The following WDR91 variants were observed in gnomAD, a reference collection of about 807,000 sequenced individuals.
The protein encoded by WDR91 is WD repeat-containing protein 91.
WDR91 carries 52 observed loss-of-function variants against 88.4 expected under a neutral mutation model. The ratio of observed to expected loss-of-function variants is 0.59; its 90% CI spans 0.47 to 0.74. The LOEUF (loss-of-function observed/expected upper bound fraction) is 0.74. WDR91 is among the 30% of genes least tolerant of loss of function. The pLI, the probability that WDR91 is intolerant of heterozygous loss-of-function variation, is 0.00. For missense variants in WDR91, 824 were observed against 954.5 expected, an observed-to-expected ratio of 0.86 and a Z score of 1.80; for synonymous variants, 362 against 389.5, an observed-to-expected ratio of 0.93 and a Z score of 0.83.
In WDR91 at chr7:135,195,022, G is replaced by A. The variant is rs919316204; in HGVS notation, c.1307C>T (p.Ser436Phe). The A allele has an allele frequency of 6.2e-7, 1 of 1,614,084 alleles. No individual in the cohort carries two copies. The highest frequency in any genetic ancestry group is 1.7e-5 in the Admixed American group (1 of 60,022). ...TTTGGTCTGCATGATGGGGTTGAAG[G>A]ACCACACTTTGATGACCCCATCTAC... Reference protein sequence around the residue: ...LDVDGVIKVWSFNPIMQTKAS... With the variant: ...LDVDGVIKVWFFNPIMQTKAS... Residue 436 changes from serine (S) to phenylalanine (F), a missense_variant, in exon 9 of 15, where the codon TCC (serine) becomes TTC (phenylalanine). Coordinates refer to ENST00000354475, the MANE Select transcript of WDR91 (RefSeq NM_014149.4).
At position 135,185,478 on chromosome 7, in the gene WDR91, A is replaced by G. The variant is rs550017277; in HGVS notation, c.*673T>C. Reference sequence around the variant, plus strand: ...TTGGGAAACAGCAGCCACTGGATGGAAAGGGGCAGCCAGTAGCAGAGGCCT... The same window carrying G: ...TTGGGAAACAGCAGCCACTGGATGGGAAGGGGCAGCCAGTAGCAGAGGCCT... On this transcript the variant is annotated 3_prime_UTR_variant, in exon 15 of 15. Transcript: ENST00000354475. 6.6e-6 allele frequency: 1 copy of G among 152,358 alleles called. No individual in the cohort carries two copies. Among genetic ancestry groups the G allele is most frequent in the South Asian group, 2.1e-4 (1 of 4,832 alleles). 9.4% of individuals were successfully genotyped at this position (152,358 alleles called of 1,614,324 possible).
intron 6 of WDR91, chr7:135,202,402 G>A (rs1003990735): frequency 1.3e-5 from 2 of 152,130 alleles, no homozygotes; most frequent in African/African-American, 2.4e-5. Context: ...GATATCTTTC[G>A]TCTTCACTGA....
In WDR91 at chr7:135,193,230, C is replaced by A. The variant is rs757451134; in HGVS notation, c.1659+1G>T. 6.2e-7 allele frequency: 1 copy of A among 1,613,446 alleles called. No individual in the cohort carries two copies. Among genetic ancestry groups the A allele is most frequent in the African/African-American group, 1.3e-5 (1 of 74,898 alleles). The stretch of plus-strand genomic sequence containing the variant: ...GAGAGAGCCACAGGGCAGGCCCGTA[C>A]CTGCTGCTTCATGGTTTTCGTGTCC... On this transcript the variant is annotated splice_donor_variant, in intron 11 of 14. Transcript: ENST00000354475. LOFTEE classifies it high-confidence loss of function.
At chr7:135,199,814 C>T (rs1002599615) in intron 6 of WDR91, 5 of 107,588 alleles carry the variant, frequency 4.6e-5, no homozygotes, top group Non-Finnish European at 6.3e-5. Flanking sequence ...TTTTCAGCAA[C>T]AGTAAAGAGT....
chr7:135,200,135 G>A (rs1001605880), intron 6 of WDR91: 7 of 152,204 alleles, frequency 4.6e-5, no homozygotes, highest in African/African-American at 1.4e-4. Flanking sequence ...AATAACAAAA[G>A]ATAATAATAT....
intron 2 of WDR91, 98 bp from the exon 3 acceptor site, chr7:135,209,096 C>A (rs1005127761): frequency 6.0e-6 from 6 of 1,007,950 alleles, no homozygotes; most frequent in Non-Finnish European, 4.3e-6. Context: ...TGACTATCAG[C>A]CTGCCAGGTA....
At chr7:135,201,966 C>G (rs1379465599) in intron 6 of WDR91, 1 of 151,970 alleles carries the variant, frequency 6.6e-6, no homozygotes, top group Non-Finnish European at 1.5e-5. Context: ...GAAATCATGC[C>G]ATAGGGACAA....
intron 11 of WDR91, among the ~76,000 whole-genome samples, chr7:135,189,992 T>C (rs1434717197): frequency 6.6e-6 from 1 of 152,126 alleles, no homozygotes; most frequent in Non-Finnish European, 1.5e-5. Context: ...CCTCCTGAAA[T>C]TAAAAATGCA....
At position 135,205,946 on chromosome 7, in the gene WDR91, C is replaced by A; in HGVS notation, c.707G>T (p.Arg236Leu). Residue 236 changes from arginine (R) to leucine (L), a missense_variant, in exon 5 of 15, where the codon CGC becomes CTC. Arg to Leu is a moderately radical substitution (Grantham distance 102). Coordinates refer to ENST00000354475, the MANE Select transcript of WDR91 (RefSeq NM_014149.4). ...CACTCACAGTTCCGAGTCCCCCAGG[C>A]GGTCCATGTTGGAGACATAAGGAGG... ...KLPPYVSNMD[R>L]LGDSELAMVC... 6.2e-7 allele frequency: 1 copy of A among 1,613,750 alleles called. No homozygotes were observed. The highest frequency in any genetic ancestry group is 8.5e-7 in the Non-Finnish European group (1 of 1,180,018).
chr7:135,188,602 T>C lies in WDR91; in HGVS notation c.1769-57A>G, dbSNP rs548965270. ...TGGCCAGGGCTCTGCAGAAGGAATC[T>C]GCCTGCAGCAGGAGGCCCCCTCACC... On this transcript the variant is annotated intron_variant, in intron 12 of 14. Transcript: ENST00000354475. 210 of 1,478,582 alleles carry C rather than the reference T, an allele frequency of 1.4e-4. 3 individuals carry two copies. In the South Asian group the frequency reaches 2.2e-3, roughly 15 times the overall value. 91.6% of individuals were successfully genotyped at this position (1,478,582 alleles called of 1,614,324 possible).
At chr7:135,189,916 A>G (rs893954194) in intron 11 of WDR91, among the ~76,000 whole-genome samples, 1 of 152,280 alleles carries the variant, frequency 6.6e-6, no homozygotes, top group African/African-American at 2.4e-5. Context: ...CATAATGTCT[A>G]TTAATTACAT....
intron 6 of WDR91, among the ~76,000 whole-genome samples, chr7:135,202,916 G>A (rs1024878978): frequency 9.9e-5 from 15 of 152,084 alleles, no homozygotes; most frequent in East Asian, 3.8e-4. Flanking sequence ...TTGCATTAAC[G>A]GCACTTTAGG....
chr7:135,196,423 G>A lies in WDR91; in HGVS notation c.1051-86C>T, dbSNP rs1831376918. 1.5e-6 allele frequency: 2 copies of A among 1,302,338 alleles called. No homozygotes were observed. The highest frequency in any genetic ancestry group is 1.6e-5 in the South Asian group (1 of 60,694). The allele number at this position is 1,302,338 out of a possible 1,614,324, so 80.7% of individuals were successfully genotyped here. A position where few individuals can be genotyped will look rare whatever the true frequency, so the allele number is the denominator to read the frequency against. ...ACCGCAGGGGGTCTAGGCCTAGGCT[G>A]CAGCATTTTGCGGGGTTCTCGGTAA... On this transcript the variant is annotated intron_variant, in intron 7 of 14. Coordinates refer to ENST00000354475, the MANE Select transcript of WDR91 (RefSeq NM_014149.4). This position sits in a 1 kb window ranked among gnomAD's most constrained non-coding sequence, Gnocchi z 4.2.
In WDR91 at chr7:135,205,912, C is replaced by T. The variant is rs1200225948; in HGVS notation, c.725+16G>A. On this transcript the variant is annotated intron_variant, in intron 5 of 14. Transcript: ENST00000354475. ...CAGAGGGCAAAGAAAAGGAAAGGGC[C>T]GTCACACACACTCACAGTTCCGAGT... 10 of 1,612,630 alleles carry T rather than the reference C, an allele frequency of 6.2e-6. No individual in the cohort carries two copies. Among genetic ancestry groups the T allele is most frequent in the Admixed American group, 5.0e-5 (3 of 60,014 alleles).
intron 6 of WDR91, chr7:135,199,858 G>T (rs1395325039): frequency 6.6e-6 from 1 of 152,198 alleles, no homozygotes; most frequent in African/African-American, 2.4e-5. Context: ...ATGGAAGGAG[G>T]AGGCTTCGAA....
Position 135,193,337 on chromosome 7 carries a change from C to A in WDR91, c.1553G>T (p.Ser518Ile). 3.1e-6 allele frequency: 5 copies of A among 1,614,240 alleles called. No homozygotes were observed. The highest frequency in any genetic ancestry group is 4.2e-6 in the Non-Finnish European group (5 of 1,180,044). Residue 518 changes from serine (S) to isoleucine (I), a missense_variant, in exon 11 of 15, where the codon AGC becomes ATC. Physicochemically the swap from Ser to Ile is moderately radical, Grantham distance 142. Coordinates refer to ENST00000354475, the MANE Select transcript of WDR91 (RefSeq NM_014149.4). ...ASFVCSAAAP[S>I]LTSQVDFSAP... is the part of the protein sequence containing the mutation. ...TGAGAAGTCCACCTGGGAAGTGAGGCTCGGAGCTGCTGCCGAACAGACGAA... is the reference window on the plus strand; with the variant it reads ...TGAGAAGTCCACCTGGGAAGTGAGGATCGGAGCTGCTGCCGAACAGACGAA...
intron 6 of WDR91, among the ~76,000 whole-genome samples, chr7:135,202,847 AG>A (rs1271441841): frequency 6.6e-6 from 1 of 152,224 alleles, no homozygotes; most frequent in Non-Finnish European, 1.5e-5. Context: ...TATTCATAGG[AG>A]TAACCATGTT....
chr7:135,209,938 G>A (rs1831951800), intron 1 of WDR91, 183 bp from the exon 2 acceptor site: 2 of 504,956 alleles, frequency 4.0e-6, no homozygotes, highest in South Asian at 3.5e-5. Context: ...TGATGTTAGA[G>A]AAGTGGTTTG....
At chr7:135,209,922 A>G in intron 1 of WDR91, 167 bp from the exon 2 acceptor site, 1 of 530,612 alleles carries the variant, frequency 1.9e-6, no homozygotes, top group Admixed American at 4.1e-5. Flanking sequence ...TTTTTCAGTA[A>G]TTTTCTGATG....
Sources: allele counts gnomAD v4.1 joint callset (sites outside exome capture counted in the v4.1 genomes callset), GRCh38; gene constraint gnomAD v4.1.1; non-coding constraint Gnocchi (gnomAD v3.1); transcripts MANE v1.5; gene names NCBI Gene and HGNC (gene_info 2026-07-23, HGNC 2026-07-21).